Variants in PIP4P2 observed in about 807,000 individuals in gnomAD.
PIP4P2 encodes the protein phosphatidylinositol-4,5-bisphosphate 4-phosphatase 2, also known as type 2 phosphatidylinositol 4,5-bisphosphate 4-phosphatase.
A neutral mutation model predicts 33.3 loss-of-function variants in PIP4P2; 19 were observed. That is an observed-to-expected ratio of 0.57 (90% CI 0.40 to 0.84). PIP4P2 has a LOEUF of 0.84. Among genes scored for constraint, PIP4P2 ranks in the 40% least tolerant of loss-of-function variants. PIP4P2 has a pLI of 0.00. For synonymous variants in PIP4P2, 110 were observed against 111.9 expected (o/e 0.98, Z 0.11); for missense variants, 270 against 324.7 (o/e 0.83, Z 1.29).
intron 5 of PIP4P2, among the ~76,000 whole-genome samples, chr8:91,005,469 C>G (rs1484882191): frequency 6.6e-6 from 1 of 152,158 alleles, no homozygotes; most frequent in Non-Finnish European, 1.5e-5. Context: ...GGATTAGGGA[C>G]TCTTCAAAGC....
chr8:91,008,764 T>C lies in PIP4P2; in HGVS notation c.518A>G (p.Lys173Arg), dbSNP rs1443818583. The change falls in exon 5 of 7, where the codon AAA becomes AGA. Residue 173 changes from lysine to arginine, a missense_variant. By Grantham distance (26) the Lys-to-Arg change is conservative (BLOSUM62 2). Coordinates refer to ENST00000285419, the MANE Select transcript of PIP4P2 (RefSeq NM_018710.3). ...TTACATTTTTTTGCAGTGTGGGCAT[T>C]TTGCCAGAGTGTTGAACCTCAGTTC... ...WMELRFNTLA[K>R]CPHCKKISSV... is the part of the protein sequence containing the mutation. 6.2e-7 allele frequency: 1 copy of C among 1,610,116 alleles called. No individual in the cohort carries two copies. Among genetic ancestry groups the C allele is most frequent in the Non-Finnish European group, 8.5e-7 (1 of 1,177,156 alleles).
intron 1 of PIP4P2, among the ~76,000 whole-genome samples, chr8:91,032,855 C>T (rs1358113377): frequency 6.6e-6 from 1 of 151,824 alleles, no homozygotes; most frequent in African/African-American, 2.4e-5. Context: ...ACCTGCTTTT[C>T]CCAAATGGAA....
chr8:90,995,555 C>T lies in PIP4P2; in HGVS notation c.*122G>A. ...TTTGTTCATAAAAGACTCCCAAAGT[C>T]TTGAAACGATTATACATAAACCAGA... is the stretch of plus-strand genomic sequence containing the variant. On this transcript the variant is annotated 3_prime_UTR_variant, in exon 7 of 7. Coordinates refer to ENST00000285419, the MANE Select transcript of PIP4P2 (RefSeq NM_018710.3). The T allele has an allele frequency of 7.9e-7, 1 of 1,259,684 alleles. No homozygotes were observed. The highest frequency in any genetic ancestry group is 1.0e-6 in the Non-Finnish European group (1 of 957,262). The allele number at this position is 1,259,684 out of a possible 1,614,324, so 78.0% of individuals were successfully genotyped here.
chr8:91,010,828 T>C (rs1377650190), intron 4 of PIP4P2, among the ~76,000 whole-genome samples: 7 of 151,686 alleles, frequency 4.6e-5, no homozygotes, highest in Non-Finnish European at 8.9e-5. Flanking sequence ...TAAAAGCAAC[T>C]TCTCTAAAAC....
chr8:90,996,818 T>C, intron 5 of PIP4P2, 74 bp from the exon 6 acceptor site: 1 of 1,193,162 alleles, frequency 8.4e-7, no homozygotes, highest in Non-Finnish European at 1.2e-6. Flanking sequence ...TTGTGAGTTC[T>C]TATCTATGGC....
chr8:91,039,343 T>C (rs1055852621), intron 1 of PIP4P2, among the ~76,000 whole-genome samples: 1 of 152,240 alleles, frequency 6.6e-6, no homozygotes, highest in African/African-American at 2.4e-5. Context: ...CAAGTCTCTC[T>C]CTGTGCCTTA....
intron 4 of PIP4P2, among the ~76,000 whole-genome samples, chr8:91,011,401 TA>T (rs1811836080): frequency 6.6e-6 from 1 of 152,092 alleles, no homozygotes; most frequent in South Asian, 2.1e-4. Context: ...GAGAACTAGC[TA>T]AAGGCTTTAT....
chr8:91,003,542 A>T (rs1398315749), intron 5 of PIP4P2, among the ~76,000 whole-genome samples: 1 of 152,180 alleles, frequency 6.6e-6, no homozygotes, highest in African/African-American at 2.4e-5. Context: ...AACATAATAT[A>T]TTTATCAATA....
chr8:90,996,735 C>A lies in PIP4P2; in HGVS notation c.549G>T (p.Val183=). The change falls in exon 6 of 7, where the codon GTG becomes GTT. Residue 183 remains valine (V), a synonymous_variant. Transcript: ENST00000285419. ...KCPHCKKISS[V]GSALPRRRCC... Reference sequence around the variant, plus strand: ...AGCGTCTTCGTGGAAGTGCACTACCCACTGAGGAGCTGCAAATTCATGAAA... The same window carrying A: ...AGCGTCTTCGTGGAAGTGCACTACCAACTGAGGAGCTGCAAATTCATGAAA... The A allele has an allele frequency of 6.2e-7, 1 of 1,602,880 alleles. No homozygotes were observed.
chr8:91,018,278 A>G, intron 4 of PIP4P2, 112 bp downstream of exon 4: 2 of 1,499,260 alleles, frequency 1.3e-6, no homozygotes, highest in Non-Finnish European at 1.8e-6. Flanking sequence ...TCTCTATTTT[A>G]ATATTTTGAT....
At chr8:91,036,348 T>C (rs1470322451) in intron 1 of PIP4P2, among the ~76,000 whole-genome samples, 1 of 152,194 alleles carries the variant, frequency 6.6e-6, no homozygotes, top group East Asian at 1.9e-4. Context: ...AAATACATCA[T>C]GTCTAAAACT....
chr8:91,005,456 T>C (rs1033005731), intron 5 of PIP4P2, among the ~76,000 whole-genome samples: 1 of 152,142 alleles, frequency 6.6e-6, no homozygotes, highest in Admixed American at 6.6e-5. Context: ...TTCCCTCTAA[T>C]CTGGATTAGG....
At chr8:91,025,839 T>G (rs775334048) in intron 1 of PIP4P2, among the ~76,000 whole-genome samples, 1 of 152,204 alleles carries the variant, frequency 6.6e-6, no homozygotes, top group Non-Finnish European at 1.5e-5. Flanking sequence ...TTGGCCACTA[T>G]GGGTTAGCTG....
chr8:91,013,433 A>C (rs1054530558), intron 4 of PIP4P2, among the ~76,000 whole-genome samples: 1 of 152,204 alleles, frequency 6.6e-6, no homozygotes, highest in Non-Finnish European at 1.5e-5. Context: ...CACATATGAA[A>C]AAGAAAATAA....
intron 4 of PIP4P2, among the ~76,000 whole-genome samples, chr8:91,010,447 T>A (rs899733327): frequency 1.3e-5 from 2 of 151,910 alleles, no homozygotes; most frequent in African/African-American, 4.8e-5. Flanking sequence ...TTTAGTCCAA[T>A]GTTATCATTT....
intron 4 of PIP4P2, among the ~76,000 whole-genome samples, chr8:91,017,095 G>A (rs1679658329): frequency 6.6e-6 from 1 of 152,198 alleles, no homozygotes; most frequent in South Asian, 2.1e-4. Context: ...ATATGAGTGG[G>A]AGGGCAGTAT....
intron 1 of PIP4P2, among the ~76,000 whole-genome samples, chr8:91,029,828 G>A (rs886214751): frequency 6.6e-6 from 1 of 152,090 alleles, no homozygotes. Context: ...TTAGCCGGGC[G>A]TGGTGGCGGG....
At chr8:91,008,510 T>C (rs1186354316) in intron 5 of PIP4P2, among the ~76,000 whole-genome samples, 1 of 152,214 alleles carries the variant, frequency 6.6e-6, no homozygotes, top group Non-Finnish European at 1.5e-5. Flanking sequence ...CACTTTCTTA[T>C]AATAGAAATT....
At chr8:91,000,635 T>C (rs190778639) in intron 5 of PIP4P2, among the ~76,000 whole-genome samples, 1 of 152,116 alleles carries the variant, frequency 6.6e-6, no homozygotes, top group East Asian at 1.9e-4. Context: ...AGAACTGTTA[T>C]CTTTTTCTTA....
Sources: allele counts gnomAD v4.1 joint callset (sites outside exome capture counted in the v4.1 genomes callset), GRCh38; gene constraint gnomAD v4.1.1; transcripts MANE v1.5; gene names NCBI Gene and HGNC (gene_info 2026-07-23, HGNC 2026-07-21).